Variants in GALNT17 observed in about 807,000 individuals in gnomAD.
GALNT17 encodes UDP-GalNAc:polypeptide N-acetylgalactosaminyltransferase-like 3.
Under a neutral mutation model 63.7 loss-of-function variants are expected in GALNT17, and 29 were observed. The ratio of observed to expected loss-of-function variants is 0.46; its 90% CI spans 0.34 to 0.62. The LOEUF (loss-of-function observed/expected upper bound fraction) is 0.62. Ranked by LOEUF, GALNT17 falls within the 20% of genes least tolerant of loss-of-function variation. The pLI is 0.01. For missense variants in GALNT17, 603 were observed against 799.6 expected, an observed-to-expected ratio of 0.75 and a Z score of 2.97; for synonymous variants, 305 against 318.3, an observed-to-expected ratio of 0.96 and a Z score of 0.45.
At chr7:71,183,500 C>T (rs2116318594) in intron 1 of GALNT17, among the ~76,000 whole-genome samples, 1 of 152,220 alleles carries the variant, frequency 6.6e-6, no homozygotes, top group South Asian at 2.1e-4. Context: ...AAGATGGTTC[C>T]CCCAGGTAAG....
At chr7:71,212,111 A>G (rs1217614363) in intron 1 of GALNT17, among the ~76,000 whole-genome samples, 1 of 152,210 alleles carries the variant, frequency 6.6e-6, no homozygotes, top group Non-Finnish European at 1.5e-5. Flanking sequence ...TCACAGGCCC[A>G]GAAGCCCAGG....
In GALNT17 at chr7:71,441,880, C is replaced by T. The variant is rs1787073610; in HGVS notation, c.962+20775C>T. Reference sequence around the variant, plus strand: ...GCCACATTTTCTTTATCCAGTTTATCATTGATGGGCATTTGGGTTGGTTCC... The same window carrying T: ...GCCACATTTTCTTTATCCAGTTTATTATTGATGGGCATTTGGGTTGGTTCC... On this transcript the variant is annotated intron_variant, in intron 5 of 10. Coordinates refer to ENST00000333538, the MANE Select transcript of GALNT17 (RefSeq NM_022479.3). Among the ~76,000 whole-genome samples, 5 of 152,238 alleles carry T rather than the reference C, an allele frequency of 3.3e-5. 1 individual carries two copies. The South Asian group carries it at 1.0e-3, about 32-fold the overall frequency.
chr7:71,413,311 G>A (rs183615374), intron 3 of GALNT17, among the ~76,000 whole-genome samples: 9 of 152,154 alleles, frequency 5.9e-5, no homozygotes, highest in Non-Finnish European at 8.8e-5. Context: ...TTTTTTGGGC[G>A]AGTGGGGGCC....
intron 6 of GALNT17, among the ~76,000 whole-genome samples, chr7:71,636,923 A>G (rs1790535466): frequency 6.6e-6 from 1 of 152,158 alleles, no homozygotes; most frequent in African/African-American, 2.4e-5. Context: ...AGAGAAATGC[A>G]TAGCAAAAAT....
At chr7:71,294,531 C>T (rs1412232669) in intron 1 of GALNT17, among the ~76,000 whole-genome samples, 2 of 149,714 alleles carry the variant, frequency 1.3e-5, no homozygotes, top group Non-Finnish European at 3.0e-5. Flanking sequence ...TCTCATGCCT[C>T]AGCTTCCCAA....
chr7:71,215,258 C>T (rs1006504486), intron 1 of GALNT17, among the ~76,000 whole-genome samples: 2 of 152,134 alleles, frequency 1.3e-5, no homozygotes, highest in African/African-American at 4.8e-5. Context: ...GAGCTCCTGC[C>T]ACATAATGAA....
chr7:71,682,035 T>C (rs1260485486), intron 9 of GALNT17, among the ~76,000 whole-genome samples: 1 of 152,152 alleles, frequency 6.6e-6, no homozygotes, highest in Non-Finnish European at 1.5e-5. Flanking sequence ...CAGGCGATTC[T>C]CCTGCCTCAG....
At chr7:71,173,111 C>G (rs1788574416) in intron 1 of GALNT17, among the ~76,000 whole-genome samples, 1 of 152,204 alleles carries the variant, frequency 6.6e-6, no homozygotes, top group Non-Finnish European at 1.5e-5. Context: ...AATGTAGCTG[C>G]TGGACGCTGG....
At chr7:71,330,428 C>T (rs975163171) in intron 1 of GALNT17, among the ~76,000 whole-genome samples, 1 of 149,836 alleles carries the variant, frequency 6.7e-6, no homozygotes, top group African/African-American at 2.5e-5. Context: ...GACAGGGTCT[C>T]ACTCTGTCAT....
intron 5 of GALNT17, among the ~76,000 whole-genome samples, chr7:71,478,404 C>CACAG (rs1387890818): frequency 6.6e-6 from 1 of 152,030 alleles, no homozygotes; most frequent in East Asian, 1.9e-4. Flanking sequence ...GCCTGGAACT[C>CACAG]ACAGGCTCAA....
Position 71,363,236 on chromosome 7 carries a change from G to A in GALNT17, c.423-24999G>A, listed in dbSNP as rs149827273. On this transcript the variant is annotated intron_variant, in intron 2 of 10. Coordinates refer to ENST00000333538, the MANE Select transcript of GALNT17 (RefSeq NM_022479.3). ...CCCACCTCGGCCTCCCAAAGTGCTG[G>A]GATTACAGTCGTGAGCCACTGCACC... 3.9e-3 allele frequency among the ~76,000 whole-genome samples: 600 copies of A among 152,208 alleles called. 3 individuals are homozygous for A. Among genetic ancestry groups the A allele is most frequent in the African/African-American group, 0.014 (563 of 41,538 alleles).
intron 2 of GALNT17, among the ~76,000 whole-genome samples, chr7:71,367,328 T>C (rs1194591128): frequency 6.6e-6 from 1 of 152,072 alleles, no homozygotes; most frequent in African/African-American, 2.4e-5. Context: ...AAAAAACATA[T>C]AGGTGGAAAC....
intron 5 of GALNT17, among the ~76,000 whole-genome samples, chr7:71,562,540 T>G (rs1789273827): frequency 6.6e-6 from 1 of 152,116 alleles, no homozygotes; most frequent in Non-Finnish European, 1.5e-5. Context: ...CATAAGCAGC[T>G]CTCAGCCTAG....
At chr7:71,668,064 G>A (rs1791012294) in intron 7 of GALNT17, among the ~76,000 whole-genome samples, 1 of 152,114 alleles carries the variant, frequency 6.6e-6, no homozygotes, top group African/African-American at 2.4e-5. Context: ...TTCCCAAAGT[G>A]CTGGGATTAC....
intron 5 of GALNT17, among the ~76,000 whole-genome samples, chr7:71,556,799 C>T (rs1209610923): frequency 6.6e-6 from 1 of 152,156 alleles, no homozygotes; most frequent in Non-Finnish European, 1.5e-5. Flanking sequence ...CTCCTGATCT[C>T]AGGTGATCCA....
chr7:71,318,323 T>C (rs527602193), intron 1 of GALNT17, among the ~76,000 whole-genome samples: 31 of 152,246 alleles, frequency 2.0e-4, no homozygotes, highest in Admixed American at 1.6e-3. Context: ...GACACAGTCA[T>C]GTCATTCCAC....
At chr7:71,494,396 A>G (rs902370104) in intron 5 of GALNT17, among the ~76,000 whole-genome samples, 4 of 152,108 alleles carry the variant, frequency 2.6e-5, no homozygotes, top group Non-Finnish European at 5.9e-5. Context: ...CCCAGGCTGG[A>G]GTGCAGTGGT....
chr7:71,297,188 G>A (rs1791097666), intron 1 of GALNT17, among the ~76,000 whole-genome samples: 3 of 152,294 alleles, frequency 2.0e-5, no homozygotes, highest in Admixed American at 2.0e-4. Context: ...TACTGCTGCA[G>A]CCTCTATTCT....
chr7:71,327,949 C>T (rs1791732433), intron 1 of GALNT17, among the ~76,000 whole-genome samples: 1 of 151,876 alleles, frequency 6.6e-6, no homozygotes, highest in South Asian at 2.1e-4. Context: ...ATCCATCTGT[C>T]AAGAAGTGTC....
Sources: allele counts gnomAD v4.1 joint callset (sites outside exome capture counted in the v4.1 genomes callset), GRCh38; gene constraint gnomAD v4.1.1; transcripts MANE v1.5; gene names NCBI Gene and HGNC (gene_info 2026-07-23, HGNC 2026-07-21).